SREBF1: variants seen among roughly 807,000 people sequenced by gnomAD.
The protein encoded by SREBF1 is sterol regulatory element-binding protein 1.
A neutral mutation model predicts 100.1 loss-of-function variants in SREBF1; 45 were observed. That is an observed-to-expected ratio of 0.45 (90% confidence interval 0.35 to 0.58). The LOEUF is 0.58. Ranked by LOEUF, SREBF1 falls within the 20% of genes least tolerant of loss-of-function variation. The pLI is 0.00. For missense variants in SREBF1, 1,324 were observed against 1,539.4 expected (o/e 0.86, Z 2.34); for synonymous variants, 657 against 681.8 (o/e 0.96, Z 0.57).
intron 1 of SREBF1, among the ~76,000 whole-genome samples, chr17:17,833,505 G>C (rs542188127): frequency 6.9e-6 from 1 of 145,812 alleles, no homozygotes; most frequent in East Asian, 2.0e-4. Context: ...ACAGCTGCCC[G>C]GGGCTGGGAG....
intron 14 of SREBF1, 32 bp downstream of exon 14, chr17:17,814,803 G>A (rs1410095641): frequency 6.2e-7 from 1 of 1,608,238 alleles, no homozygotes; most frequent in East Asian, 2.2e-5. Context: ...GGGGAGCTGA[G>A]AAGGGAGCCA....
intron 1 of SREBF1, among the ~76,000 whole-genome samples, chr17:17,821,152 T>TACAC (rs60948138): frequency 0.073 from 10,864 of 149,034 alleles, 487 homozygotes; most frequent in African/African-American, 0.12. Flanking sequence ...TCCACACACA[T>TACAC]ACACACACAC....
chr17:17,820,655 G>A (rs2034034144), intron 1 of SREBF1, 134 bp from the exon 2 acceptor site: 4 of 1,024,342 alleles, frequency 3.9e-6, no homozygotes, highest in South Asian at 2.7e-5. Context: ...AATGCCACCA[G>A]GACAGAAAGC....
In SREBF1 at chr17:17,816,647, G is replaced by A; in HGVS notation, c.1857C>T (p.Ser619=). 1 of 1,595,974 alleles carries A rather than the reference G, an allele frequency of 6.3e-7. No homozygotes were observed. The highest frequency in any genetic ancestry group is 8.5e-7 in the Non-Finnish European group (1 of 1,172,322). Residue 619 remains serine (S), a synonymous_variant, in exon 10 of 19, where the codon TCC becomes TCT. Transcript: ENST00000261646. ...LRALGRPLPT[S]HLDLACSLLW... ...GGAGGCTACAAGCCAGGTCCAGGTG[G>A]GAGGTGGGCAGGGGCCGGCCCAGTG...
intron 1 of SREBF1, among the ~76,000 whole-genome samples, chr17:17,822,479 C>T (rs999827604): frequency 6.6e-6 from 1 of 152,162 alleles, no homozygotes; most frequent in African/African-American, 2.4e-5. Flanking sequence ...CCTCCTCATA[C>T]AGACTGGGAC....
intron 1 of SREBF1, among the ~76,000 whole-genome samples, chr17:17,821,881 A>T (rs1254819200): frequency 1.3e-5 from 2 of 152,220 alleles, no homozygotes. Context: ...CTGTGGGGCT[A>T]CCCACATTGA....
Position 17,816,346 on chromosome 17 carries a change from G to A in SREBF1, c.2075C>T (p.Ala692Val). ...MGKHTGGHLT[A>V]TNLALSALNL... ...CAGGGCACTCAGCGCCAGGTTGGTG[G>A]CAGTGAGGTGCCCGCCTGTGTGCTT... The change falls in exon 11 of 19, where the codon GCC becomes GTC. Residue 692 changes from alanine (A) to valine (V), a missense_variant. Coordinates refer to ENST00000261646, the MANE Select transcript of SREBF1 (RefSeq NM_004176.5). 6.3e-7 allele frequency: 1 copy of A among 1,583,742 alleles called. No homozygotes were observed. The highest frequency in any genetic ancestry group is 8.6e-7 in the Non-Finnish European group (1 of 1,167,392).
chr17:17,817,651 G>T lies in SREBF1; in HGVS notation c.1404+45C>A, dbSNP rs760731876. ...CCCGGCCCTGTCATGAGGCTCAGAG[G>T]ATATGGCTGGGAGTGGGGAAGGGGG... On this transcript the variant is annotated intron_variant, in intron 7 of 18. Coordinates refer to ENST00000261646, the MANE Select transcript of SREBF1 (RefSeq NM_004176.5). This position sits in a 1 kb window ranked among gnomAD's most constrained non-coding sequence, Gnocchi z 6.6. The T allele has an allele frequency of 6.2e-6, 10 of 1,607,826 alleles. No individual in the cohort carries two copies. The highest frequency in any genetic ancestry group is 1.7e-4 in the Middle Eastern group (1 of 6,046).
intron 1 of SREBF1, among the ~76,000 whole-genome samples, chr17:17,828,976 C>A (rs1203008847): frequency 6.6e-6 from 1 of 151,844 alleles, no homozygotes; most frequent in African/African-American, 2.4e-5. Flanking sequence ...AGGCAGATCA[C>A]GAGGTCAGGA....
chr17:17,816,245 C>T lies in SREBF1; in HGVS notation c.2176G>A (p.Val726Met). 1.2e-6 allele frequency: 2 copies of T among 1,604,966 alleles called. No individual in the cohort carries two copies. Among genetic ancestry groups the T allele is most frequent in the Non-Finnish European group, 1.7e-6 (2 of 1,177,006 alleles). The change falls in exon 11 of 19, where the codon GTG becomes ATG. Residue 726 changes from valine to methionine, a missense_variant. Physicochemically the swap from Val to Met is conservative, Grantham distance 21. Coordinates refer to ENST00000261646, the MANE Select transcript of SREBF1 (RefSeq NM_004176.5). ...AAGGCCCGTGGGAGACTGGTCTTCACTCTCAATGCAGCCGCCACATAGATC... is the reference window on the plus strand; with the variant it reads ...AAGGCCCGTGGGAGACTGGTCTTCATTCTCAATGCAGCCGCCACATAGATC... ...AEIYVAAALRVKTSLPRALHF... is the reference protein window; with the variant it reads ...AEIYVAAALRMKTSLPRALHF...
rs1410713539 is a variant in SREBF1, at chr17:17,824,608, A to G, written c.92-4087T>C. Among the ~76,000 whole-genome samples the G allele has an allele frequency of 8.6e-5, 13 of 151,960 alleles. No individual in the cohort carries two copies. Reference sequence around the variant, plus strand: ...AAAGTTACACACACACACACACACAAAGTGATCAGAGCCTGGCCAGTTGAT... The same window carrying G: ...AAAGTTACACACACACACACACACAGAGTGATCAGAGCCTGGCCAGTTGAT... On this transcript the variant is annotated intron_variant, in intron 1 of 18. Coordinates refer to ENST00000261646, the MANE Select transcript of SREBF1 (RefSeq NM_004176.5). The surrounding 1 kb of genome is among the most constrained non-coding windows in gnomAD (Gnocchi z 4.2).
chr17:17,826,105 T>G (rs2034477393), intron 1 of SREBF1, among the ~76,000 whole-genome samples: 1 of 152,098 alleles, frequency 6.6e-6, no homozygotes, highest in Admixed American at 6.5e-5. Flanking sequence ...ACACCTACGA[T>G]CTCCAGAGGT....
chr17:17,816,182 G>GGC, intron 11 of SREBF1, 25 bp downstream of exon 11: 1 of 81,146 alleles, frequency 1.2e-5, no homozygotes. Flanking sequence ...GCAGGGATAA[G>GGC]CCCCCAGCCC....
chr17:17,815,899 T>C lies in SREBF1; in HGVS notation c.2344A>G (p.Thr782Ala). ...AAGCTGTACAGGCTCTCCCATGGGG[T>C]ACTGAGCACGGACCAGTCCCCATCC... ...FVDGDWSVLSTPWESLYSLAG... is the reference protein window; with the variant it reads ...FVDGDWSVLSAPWESLYSLAG... The change falls in exon 12 of 19, where the codon ACC becomes GCC. Residue 782 changes from threonine (T) to alanine (A), a missense_variant. Transcript: ENST00000261646. The C allele has an allele frequency of 6.2e-7, 1 of 1,612,846 alleles. No individual in the cohort carries two copies. Among genetic ancestry groups the C allele is most frequent in the Non-Finnish European group, 8.5e-7 (1 of 1,179,892 alleles).
intron 1 of SREBF1, among the ~76,000 whole-genome samples, chr17:17,832,306 A>T (rs922263333): frequency 6.6e-6 from 1 of 152,084 alleles, no homozygotes; most frequent in Non-Finnish European, 1.5e-5. Flanking sequence ...GTAAGTACTC[A>T]ATTAGTGTTT....
intron 18 of SREBF1, 93 bp downstream of exon 18, chr17:17,813,275 G>GAC (rs753476023): frequency 3.1e-6 from 4 of 1,310,214 alleles, no homozygotes; most frequent in East Asian, 5.0e-5. Flanking sequence ...TGTCCCGTCT[G>GAC]ACACACACAC....
chr17:17,829,203 AAAATATATAT>A (rs1472620501), intron 1 of SREBF1, among the ~76,000 whole-genome samples: 2 of 36,126 alleles, frequency 5.5e-5, no homozygotes, highest in African/African-American at 2.2e-4. Flanking sequence ...AAAAAAAAAA[AAAATATATAT>A]ATATATATAT....
At chr17:17,834,874 C>T (rs1231179109) in intron 1 of SREBF1, among the ~76,000 whole-genome samples, 2 of 152,130 alleles carry the variant, frequency 1.3e-5, no homozygotes, top group African/African-American at 4.8e-5. Context: ...ATTAGCCAGG[C>T]GTGGTGGCTG....
chr17:17,823,673 G>GC, intron 1 of SREBF1: 1 of 1,037,928 alleles, frequency 9.6e-7, no homozygotes, highest in African/African-American at 4.0e-5. Flanking sequence ...GCCCCGCCCC[G>GC]CCCCCAGCCC....
Sources: gnomAD v4.1 joint callset for allele counts (sites outside exome capture counted in the v4.1 genomes callset) on GRCh38, gnomAD v4.1.1 for gene constraint, Gnocchi (gnomAD v3.1) non-coding constraint, MANE v1.5 for transcripts, NCBI Gene and HGNC (gene_info 2026-07-23, HGNC 2026-07-21) for gene names.